The following CCAR2 variants were observed in gnomAD, a reference collection of about 807,000 sequenced individuals.
The protein encoded by CCAR2 is cell cycle and apoptosis regulator protein 2.
In CCAR2, 21 loss-of-function variants were observed where a neutral mutation model predicts 108.1. That is an observed-to-expected ratio of 0.19 (90% CI 0.14 to 0.28). CCAR2 has a LOEUF of 0.28. Ranked by LOEUF, CCAR2 falls within the 10% of genes least tolerant of loss-of-function variation. CCAR2 has a pLI of 1.00. For synonymous variants in CCAR2, 577 were observed against 472.8 expected, an observed-to-expected ratio of 1.22 and a Z score of -2.86; for missense variants, 1,126 against 1,177.0, an observed-to-expected ratio of 0.96 and a Z score of 0.63.
rs1035923229 is a variant in CCAR2 at position 22,614,331 on chromosome 8, C to G, written c.927+17C>G. Reference sequence around the variant, plus strand: ...AGTTCGAAGGTAAGCTGACAGGCGTCTCTCACTTATCTGATTTCTGGAGGC... The same window carrying G: ...AGTTCGAAGGTAAGCTGACAGGCGTGTCTCACTTATCTGATTTCTGGAGGC... On this transcript the variant is annotated intron_variant, in intron 9 of 20. Transcript: ENST00000308511. 1 of 1,614,004 alleles carries G rather than the reference C, an allele frequency of 6.2e-7. No individual in the cohort carries two copies. Among genetic ancestry groups the G allele is most frequent in the East Asian group, 2.2e-5 (1 of 44,892 alleles).
At position 22,613,092 on chromosome 8, in the gene CCAR2, C is replaced by T. The variant is rs746450297; in HGVS notation, c.660C>T (p.Asp220=). The change falls in exon 8 of 21, where the codon GAC becomes GAT. Residue 220 remains aspartate, a synonymous_variant. Coordinates refer to ENST00000308511, the MANE Select transcript of CCAR2 (RefSeq NM_001393997.1). ...EPWGAKKPRH[D]LPPYRVHLTP... ...GGGGTGCTAAGAAGCCAAGGCATGACCTGCCTCCTTACCGGGTCCACCTCA... is the reference window on the plus strand; with the variant it reads ...GGGGTGCTAAGAAGCCAAGGCATGATCTGCCTCCTTACCGGGTCCACCTCA... The T allele has an allele frequency of 1.2e-6, 2 of 1,612,762 alleles. No homozygotes were observed. Among genetic ancestry groups the T allele is most frequent in the African/African-American group, 1.3e-5 (1 of 74,876 alleles).
intron 11 of CCAR2, 137 bp downstream of exon 11, chr8:22,615,138 A>AGG (rs1801449370): frequency 1.6e-6 from 2 of 1,234,878 alleles, no homozygotes; most frequent in African/African-American, 3.1e-5. Flanking sequence ...CTGGTGCCTC[A>AGG]GGGTAGGGTG....
rs372760949 is a variant in CCAR2 at position 22,607,815 on chromosome 8, G to A, written c.488-154G>A. ...GATTTTTTGTATTTTTAGTGGAGAC[G>A]GGGTTTCACCATGTTCGCCAGGCTA... On this transcript the variant is annotated intron_variant, in intron 6 of 20. Transcript: ENST00000308511. Among the ~76,000 whole-genome samples the A allele has an allele frequency of 1.1e-4, 16 of 152,228 alleles. No homozygotes were observed. The East Asian group carries it at 1.9e-3, about 18-fold the overall frequency.
chr8:22,606,648 C>T lies in CCAR2; in HGVS notation c.192C>T (p.Ser64=). The T allele has an allele frequency of 6.2e-7, 1 of 1,614,202 alleles. No individual in the cohort carries two copies. Among genetic ancestry groups the T allele is most frequent in the Non-Finnish European group, 8.5e-7 (1 of 1,180,028 alleles). ...GGGTCTTCACTGGTATTGTTACCAGCTTGCATGACTACTTTGGGGTTGTGG... is the reference window on the plus strand; with the variant it reads ...GGGTCTTCACTGGTATTGTTACCAGTTTGCATGACTACTTTGGGGTTGTGG... The part of the protein sequence containing the change: ...KQRVFTGIVT[S]LHDYFGVVDE... Residue 64 remains serine (S), a synonymous_variant, in exon 4 of 21, where the codon AGC becomes AGT. Coordinates refer to ENST00000308511, the MANE Select transcript of CCAR2 (RefSeq NM_001393997.1).
At chr8:22,621,018 C>T (rs530682243), downstream of CCAR2, 145 of 164,652 alleles carry the variant, frequency 8.8e-4, 1 homozygote, top group African/African-American at 3.3e-3. Context: ...GAAAAGGCAA[C>T]GAGGGGCCAG....
At chr8:22,617,854 A>G in intron 16 of CCAR2, 76 bp downstream of exon 16, 1 of 1,461,800 alleles carries the variant, frequency 6.8e-7, no homozygotes, top group Non-Finnish European at 9.6e-7. Flanking sequence ...CTCCTGGGAG[A>G]AGGATGCTTA....
At chr8:22,606,215 G>C in intron 3 of CCAR2, 39 bp downstream of exon 3, 1 of 1,464,716 alleles carries the variant, frequency 6.8e-7, no homozygotes, top group South Asian at 1.1e-5. Context: ...TCAGCCCTTG[G>C]GACTGAATGC....
At position 22,617,551 on chromosome 8, in the gene CCAR2, AGAG is replaced by A. The variant is rs755280790; in HGVS notation, c.1984_1986del (p.Glu662del). 37 of 1,599,630 alleles carry A rather than the reference AGAG, an allele frequency of 2.3e-5. No individual in the cohort carries two copies. Among genetic ancestry groups the A allele is most frequent in the East Asian group, 9.0e-5 (4 of 44,692 alleles). On this transcript the variant is annotated inframe_deletion, in exon 15 of 21. Transcript: ENST00000308511. ...AACTGTTGCTTCTGAGGGATGATGGAGAGGAGGAGTTTGGTATGTTGAGTGGTG... is the reference window on the plus strand; with the variant it reads ...AACTGTTGCTTCTGAGGGATGATGGAGAGGAGTTTGGTATGTTGAGTGGTG...
chr8:22,607,747 C>T (rs1801133210), intron 6 of CCAR2, among the ~76,000 whole-genome samples: 1 of 152,136 alleles, frequency 6.6e-6, no homozygotes, highest in African/African-American at 2.4e-5. Flanking sequence ...GCCTCAGCCT[C>T]CTGAGTAGCT....
rs778829568 is a variant in CCAR2, at chr8:22,615,409, C to T, written c.1206-16C>T. On this transcript the variant is annotated splice_polypyrimidine_tract_variant and intron_variant, in intron 11 of 20. Coordinates refer to ENST00000308511, the MANE Select transcript of CCAR2 (RefSeq NM_001393997.1). The stretch of plus-strand genomic sequence containing the variant: ...TTGTCACTAAAGAAGTTAGTACCTC[C>T]TTTTGCCATGTGCAGGTGGCGCTTT... 2.4e-5 allele frequency: 38 copies of T among 1,610,536 alleles called. No individual in the cohort carries two copies. The Admixed American group carries it at 6.2e-4, about 26-fold the overall frequency.
At chr8:22,618,804 T>G in intron 18 of CCAR2, 23 bp from the exon 19 acceptor site, 1 of 1,613,148 alleles carries the variant, frequency 6.2e-7, no homozygotes, top group Admixed American at 1.7e-5. Context: ...CCATCCTGAA[T>G]TCTTTTTCAC....
chr8:22,618,970 C>G lies in CCAR2; in HGVS notation c.2476C>G (p.Arg826Gly). The G allele has an allele frequency of 6.2e-7, 1 of 1,613,164 alleles. No homozygotes were observed. The highest frequency in any genetic ancestry group is 8.5e-7 in the Non-Finnish European group (1 of 1,179,906). The part of the protein sequence containing the change: ...LQRAEQQDSG[R>G]LYLENKIHTL... ...GCGCGCGGAGCAGCAGGACAGCGGC[C>G]GGCTCTACCTAGAGAACAAGATCCA... Residue 826 changes from arginine to glycine, a missense_variant, in exon 19 of 21, where the codon CGG becomes GGG. Transcript: ENST00000308511.
chr8:22,618,769 G>C (rs539804264), intron 18 of CCAR2, 41 bp downstream of exon 18: 7 of 1,613,478 alleles, frequency 4.3e-6, no homozygotes, highest in Middle Eastern at 1.6e-4. Flanking sequence ...GGCACGGGCA[G>C]GGCAGGCTGC....
At chr8:22,615,196 C>T in intron 11 of CCAR2, 195 bp downstream of exon 11, 1 of 883,226 alleles carries the variant, frequency 1.1e-6, no homozygotes, top group Non-Finnish European at 1.7e-6. Flanking sequence ...ACTTGAGACT[C>T]CCTGGAGTTG....
intron 3 of CCAR2, 75 bp downstream of exon 3, chr8:22,606,251 T>G: frequency 8.2e-7 from 1 of 1,216,762 alleles, no homozygotes; most frequent in South Asian, 1.2e-5. Flanking sequence ...TCTTTTTCTC[T>G]TACATAATAG....
At chr8:22,606,255 A>G (rs1421925193) in intron 3 of CCAR2, 79 bp downstream of exon 3, 7 of 1,195,456 alleles carry the variant, frequency 5.9e-6, no homozygotes, top group African/African-American at 3.0e-5. Flanking sequence ...TTTCTCTTAC[A>G]TAATAGTGTT....
At position 22,619,786 on chromosome 8, in the gene CCAR2, G is replaced by A; in HGVS notation, c.*104G>A. The A allele has an allele frequency of 7.8e-7, 1 of 1,288,808 alleles. No individual in the cohort carries two copies. The highest frequency in any genetic ancestry group is 2.5e-5 in the East Asian group (1 of 39,580). 79.8% of individuals were successfully genotyped at this position (1,288,808 alleles called of 1,614,324 possible). A position where few individuals can be genotyped will look rare whatever the true frequency, so the allele number is the denominator to read the frequency against. On this transcript the variant is annotated 3_prime_UTR_variant, in exon 21 of 21. Transcript: ENST00000308511. ...CAGCGAGAGCGAGACCTGGGAGCCA[G>A]GGCAGGGGTGGCTGACCCCATGCTC...
intron 3 of CCAR2, 83 bp from the exon 4 acceptor site, chr8:22,606,524 G>A (rs1801085970): frequency 9.2e-7 from 1 of 1,092,706 alleles, no homozygotes; most frequent in Non-Finnish European, 1.4e-6. Context: ...CTGGGGCGTG[G>A]GTTGAGATGA....
Position 22,615,269 on chromosome 8 carries a change from G to GGACTT in CCAR2, c.1206-154_1206-150dup, listed in dbSNP as rs1218731733. 3 of 1,001,992 alleles carry GGACTT rather than the reference G, an allele frequency of 3.0e-6. No individual in the cohort carries two copies. The African/African-American group carries it at 4.9e-5, about 16-fold the overall frequency. The allele number at this position is 1,001,992 out of a possible 1,614,324, so 62.1% of individuals were successfully genotyped here. ...TCCCCACTGACTGATCATTTCTTGA[G>GGACTT]GACTTGGTCTGTAGCTTTCCTGTTG... On this transcript the variant is annotated intron_variant, in intron 11 of 20. Transcript: ENST00000308511.
Sources: allele counts gnomAD v4.1 joint callset (sites outside exome capture counted in the v4.1 genomes callset), GRCh38; gene constraint gnomAD v4.1.1; transcripts MANE v1.5; gene names NCBI Gene and HGNC (gene_info 2026-07-23, HGNC 2026-07-21).